Variants in CYTH1 observed in about 807,000 individuals in gnomAD.
CYTH1 encodes cytohesin-1.
In CYTH1, 18 loss-of-function variants were observed where a neutral mutation model predicts 61.8. The observed-to-expected ratio is 0.29, with a 90% CI of 0.20 to 0.43. CYTH1 has a LOEUF of 0.43. Ranked by LOEUF, CYTH1 falls within the 20% of genes least tolerant of loss-of-function variation. The pLI is 1.00. For synonymous variants in CYTH1, 174 were observed against 184.3 expected (o/e 0.94, Z 0.45); for missense variants, 336 against 510.5 (o/e 0.66, Z 3.29).
chr17:78,755,586 T>A (rs1461285083), intron 1 of CYTH1, among the ~76,000 whole-genome samples: 4 of 150,864 alleles, frequency 2.7e-5, no homozygotes, highest in Admixed American at 6.6e-5. Context: ...TACAAACTCA[T>A]CTGTAGTCAC....
chr17:78,743,515 A>C (rs1026193771), intron 1 of CYTH1, among the ~76,000 whole-genome samples: 4 of 152,208 alleles, frequency 2.6e-5, no homozygotes, highest in African/African-American at 9.6e-5. Flanking sequence ...TTGGATTTCC[A>C]GTTTTCAGGT....
chr17:78,735,290 C>T (rs560526442), intron 1 of CYTH1, among the ~76,000 whole-genome samples: 7 of 152,314 alleles, frequency 4.6e-5, no homozygotes, highest in African/African-American at 1.2e-4. Flanking sequence ...ACAGCACCTC[C>T]GGTGGGTCTG....
At chr17:78,781,632 C>A (rs1215194915) in intron 1 of CYTH1, among the ~76,000 whole-genome samples, 1 of 152,158 alleles carries the variant, frequency 6.6e-6, no homozygotes, top group African/African-American at 2.4e-5. Context: ...GCGCCGCTCC[C>A]CGTTCTCATT....
chr17:78,710,439 A>T (rs2093117255), intron 1 of CYTH1, among the ~76,000 whole-genome samples: 1 of 152,198 alleles, frequency 6.6e-6, no homozygotes, highest in Non-Finnish European at 1.5e-5. Context: ...TACTTCTGCC[A>T]TCCTCCAATG....
Position 78,765,389 on chromosome 17 carries a change from T to G in CYTH1, c.22+16813A>C, listed in dbSNP as rs1598921858. On this transcript the variant is annotated intron_variant, in intron 1 of 13. Transcript: ENST00000446868. ...TATTTCAATTATAATTCTAAAAATC[T>G]TTTTAGAATTTAATTTCCTCCATGC... 2.6e-5 allele frequency among the ~76,000 whole-genome samples: 4 copies of G among 152,338 alleles called. No homozygotes were observed. The East Asian group carries it at 7.7e-4, about 29-fold the overall frequency.
intron 11 of CYTH1, chr17:78,691,401 G>A (rs2092884484): frequency 6.6e-6 from 1 of 152,218 alleles, no homozygotes; most frequent in Non-Finnish European, 1.5e-5. Flanking sequence ...AAAATGCCAA[G>A]GCGTGTACCT....
chr17:78,726,023 A>G (rs1321700290), intron 1 of CYTH1, among the ~76,000 whole-genome samples: 4 of 151,780 alleles, frequency 2.6e-5, no homozygotes, highest in African/African-American at 7.2e-5. Context: ...ATAATTTCTC[A>G]GACTCATAAT....
intron 1 of CYTH1, among the ~76,000 whole-genome samples, chr17:78,744,861 A>AC (rs1461144987): frequency 6.6e-6 from 1 of 151,710 alleles, no homozygotes; most frequent in Non-Finnish European, 1.5e-5. Context: ...AAAAAAAAAA[A>AC]AGAAAACCTA....
intron 1 of CYTH1, among the ~76,000 whole-genome samples, chr17:78,746,129 A>G (rs1393489642): frequency 6.6e-6 from 1 of 152,186 alleles, no homozygotes; most frequent in Non-Finnish European, 1.5e-5. Context: ...AAAACTATAT[A>G]CACAATAAAT....
intron 1 of CYTH1, among the ~76,000 whole-genome samples, chr17:78,725,036 G>A (rs766397064): frequency 5.9e-5 from 9 of 151,998 alleles, no homozygotes; most frequent in East Asian, 2.0e-4. Context: ...AGTGCAACAC[G>A]TCCCTGGGCC....
intron 1 of CYTH1, among the ~76,000 whole-genome samples, chr17:78,735,223 T>A (rs2093315121): frequency 6.6e-6 from 1 of 152,122 alleles, no homozygotes; most frequent in South Asian, 2.1e-4. Context: ...CTCCCACTGT[T>A]GATTAGGGTA....
chr17:78,683,355 T>C (rs2092783331), intron 11 of CYTH1, among the ~76,000 whole-genome samples: 1 of 152,186 alleles, frequency 6.6e-6, no homozygotes, highest in Admixed American at 6.5e-5. Flanking sequence ...TATCTGGGAC[T>C]CCTTGGTTGT....
chr17:78,698,150 C>G, intron 9 of CYTH1, 119 bp downstream of exon 9: 1 of 836,198 alleles, frequency 1.2e-6, no homozygotes, highest in Non-Finnish European at 2.0e-6. Flanking sequence ...CACGCACGCG[C>G]ACACATGCAC....
intron 11 of CYTH1, among the ~76,000 whole-genome samples, chr17:78,692,145 T>C (rs1339570380): frequency 1.3e-5 from 2 of 152,216 alleles, no homozygotes; most frequent in African/African-American, 2.4e-5. Flanking sequence ...AACCCATTTC[T>C]AGTGCTCCCC....
In CYTH1 at chr17:78,721,996, G is replaced by A. The variant is rs533485318; in HGVS notation, c.23-12264C>T. On this transcript the variant is annotated intron_variant, in intron 1 of 13. Transcript: ENST00000446868. Reference sequence around the variant, plus strand: ...TGGGAGGCGGAGGGTGCAGCGAGCCGAGATCGCGCCATTGCACTCCAGCCT... The same window carrying A: ...TGGGAGGCGGAGGGTGCAGCGAGCCAAGATCGCGCCATTGCACTCCAGCCT... Among the ~76,000 whole-genome samples the A allele has an allele frequency of 5.3e-5, 8 of 152,174 alleles. No individual in the cohort carries two copies. In the South Asian group the frequency reaches 1.5e-3, roughly 28 times the overall value.
intron 12 of CYTH1, 76 bp from the exon 13 acceptor site, chr17:78,680,420 CA>C: frequency 6.8e-7 from 1 of 1,474,908 alleles, no homozygotes; most frequent in Non-Finnish European, 9.1e-7. Flanking sequence ...TTTCTTTCCC[CA>C]AAACCCCTTT....
chr17:78,702,510 G>A, intron 4 of CYTH1, 28 bp downstream of exon 4: 4 of 1,611,372 alleles, frequency 2.5e-6, no homozygotes, highest in Non-Finnish European at 3.4e-6. Flanking sequence ...ATCTAATATG[G>A]ACCACTTCCC....
chr17:78,714,442 C>G (rs2093163898), intron 1 of CYTH1, among the ~76,000 whole-genome samples: 1 of 152,160 alleles, frequency 6.6e-6, no homozygotes, highest in Non-Finnish European at 1.5e-5. Flanking sequence ...GTGCTAATAT[C>G]TTCTAGAATA....
At chr17:78,757,066 G>C (rs2093404674) in intron 1 of CYTH1, among the ~76,000 whole-genome samples, 1 of 142,982 alleles carries the variant, frequency 7.0e-6, no homozygotes, top group South Asian at 2.1e-4. Flanking sequence ...TCCTGCCTCA[G>C]CCTCCTGAGT....
Sources: allele counts gnomAD v4.1 joint callset (sites outside exome capture counted in the v4.1 genomes callset), GRCh38; gene constraint gnomAD v4.1.1; transcripts MANE v1.5; gene names NCBI Gene and HGNC (gene_info 2026-07-23, HGNC 2026-07-21).